The following GRIK2 variants were observed in gnomAD, a reference collection of about 807,000 sequenced individuals.
GRIK2 encodes the protein glutamate receptor ionotropic, kainate 2.
A neutral mutation model predicts 100.3 loss-of-function variants in GRIK2; 32 were observed. The ratio of observed to expected loss-of-function variants is 0.32; its 90% CI spans 0.24 to 0.43. GRIK2 has a LOEUF of 0.43. GRIK2 is among the 20% of genes least tolerant of loss of function. GRIK2 has a pLI of 1.00. For synonymous variants in GRIK2, 417 were observed against 389.4 expected (o/e 1.07, Z -0.83); for missense variants, 843 against 1,114.9 (o/e 0.76, Z 3.47).
intron 11 of GRIK2, among the ~76,000 whole-genome samples, chr6:101,876,993 T>A (rs1273982157): frequency 6.6e-6 from 1 of 151,968 alleles, no homozygotes; most frequent in Non-Finnish European, 1.5e-5. Flanking sequence ...TAAAAGAGTA[T>A]GTAATATGCA....
At chr6:101,836,341 T>C (rs2128431191) in intron 10 of GRIK2, among the ~76,000 whole-genome samples, 2 of 152,184 alleles carry the variant, frequency 1.3e-5, no homozygotes, top group Middle Eastern at 3.4e-3. Context: ...CTTCGTCACA[T>C]ATGACTATTA....
chr6:101,911,788 GA>G (rs1788708872), intron 12 of GRIK2, among the ~76,000 whole-genome samples: 1 of 151,344 alleles, frequency 6.6e-6, no homozygotes, highest in Non-Finnish European at 1.5e-5. Context: ...TTTCAGGGAG[GA>G]AAAGTGAGGT....
At chr6:101,793,655 G>A (rs938933958) in intron 7 of GRIK2, among the ~76,000 whole-genome samples, 2 of 152,208 alleles carry the variant, frequency 1.3e-5, no homozygotes, top group Admixed American at 6.5e-5. Context: ...TCGGGGGTCA[G>A]GGGTCAGGGA....
chr6:101,667,031 A>T (rs1770082161), intron 4 of GRIK2, among the ~76,000 whole-genome samples: 1 of 152,194 alleles, frequency 6.6e-6, no homozygotes, highest in South Asian at 2.1e-4. Context: ...AAACATTTAA[A>T]TACCTTTGTC....
At chr6:101,414,940 TTG>T (rs3057496) in intron 2 of GRIK2, among the ~76,000 whole-genome samples, 5,223 of 149,646 alleles carry the variant, frequency 0.035, 121 homozygotes, top group South Asian at 0.13. Context: ...AGTTTTAAAC[TTG>T]TGTGTGTGTG....
At chr6:101,633,706 T>A (rs560456914) in intron 4 of GRIK2, among the ~76,000 whole-genome samples, 115 of 152,272 alleles carry the variant, frequency 7.6e-4, no homozygotes, top group African/African-American at 2.6e-3. Flanking sequence ...AAGTTAATCA[T>A]TTTAGATTTC....
At chr6:101,976,388 A>C (rs1056560604) in intron 14 of GRIK2, among the ~76,000 whole-genome samples, 1 of 151,994 alleles carries the variant, frequency 6.6e-6, no homozygotes, top group African/African-American at 2.4e-5. Context: ...TTACTGGAAA[A>C]AAAGGGCAGT....
At chr6:101,710,714 G>A (rs953792212) in intron 7 of GRIK2, among the ~76,000 whole-genome samples, 16 of 151,682 alleles carry the variant, frequency 1.1e-4, no homozygotes, top group Non-Finnish European at 1.6e-4. Context: ...TCCTTTCCGC[G>A]TAGGCTGTCT....
At chr6:101,438,244 A>T (rs1159586966) in intron 2 of GRIK2, among the ~76,000 whole-genome samples, 2 of 152,106 alleles carry the variant, frequency 1.3e-5, no homozygotes, top group African/African-American at 4.8e-5. Flanking sequence ...TGGGCTTTAG[A>T]AGTTCATTAG....
chr6:101,893,580 A>G (rs1249006382), intron 12 of GRIK2, among the ~76,000 whole-genome samples: 1 of 151,728 alleles, frequency 6.6e-6, no homozygotes. Context: ...AACCTGCTAT[A>G]TCTTCTTAGC....
At chr6:101,974,220 C>CA (rs757720921) in intron 14 of GRIK2, among the ~76,000 whole-genome samples, 22 of 151,086 alleles carry the variant, frequency 1.5e-4, no homozygotes, top group Admixed American at 7.3e-4. Context: ...AAGTACCAAA[C>CA]AAAAAAAAGA....
chr6:101,892,018 C>G lies in GRIK2; in HGVS notation c.1748+2155C>G, dbSNP rs370185113. Among the ~76,000 whole-genome samples, 40 of 152,244 alleles carry G rather than the reference C, an allele frequency of 2.6e-4. No homozygotes were observed. The East Asian group carries it at 6.8e-3, about 26-fold the overall frequency. On this transcript the variant is annotated intron_variant, in intron 12 of 16. Transcript: ENST00000369134. ...CACAGGTCAAACAGAAAAATAAATA[C>G]TCCAAAATATACAAAAAGTCTTCCT...
chr6:101,778,724 G>C (rs907203107), intron 7 of GRIK2, among the ~76,000 whole-genome samples: 3 of 152,040 alleles, frequency 2.0e-5, no homozygotes, highest in African/African-American at 7.2e-5. Context: ...TTCTGTATTT[G>C]TACATAGTTT....
At chr6:101,433,240 A>G (rs1769516586) in intron 2 of GRIK2, among the ~76,000 whole-genome samples, 1 of 152,222 alleles carries the variant, frequency 6.6e-6, no homozygotes, top group Non-Finnish European at 1.5e-5. Flanking sequence ...CGGCATCTAG[A>G]AAACACTTGA....
intron 16 of GRIK2, among the ~76,000 whole-genome samples, chr6:102,064,834 A>C (rs140992782): frequency 1.1e-4 from 16 of 151,356 alleles, no homozygotes; most frequent in Middle Eastern, 3.4e-3. Flanking sequence ...ACCATAAATG[A>C]ACAGTTCTTT....
intron 16 of GRIK2, among the ~76,000 whole-genome samples, chr6:102,067,376 G>A (rs761331537): frequency 2.6e-5 from 4 of 151,596 alleles, no homozygotes; most frequent in Non-Finnish European, 5.9e-5. Flanking sequence ...AATATGTATC[G>A]GAAAATGACA....
At chr6:101,734,647 G>T (rs1775510987) in intron 7 of GRIK2, among the ~76,000 whole-genome samples, 1 of 152,136 alleles carries the variant, frequency 6.6e-6, no homozygotes, top group Non-Finnish European at 1.5e-5. Context: ...AAGACCTTGG[G>T]TGGGGGGAAT....
At chr6:101,915,365 T>A (rs1789034392) in intron 12 of GRIK2, among the ~76,000 whole-genome samples, 1 of 151,352 alleles carries the variant, frequency 6.6e-6, no homozygotes, top group Non-Finnish European at 1.5e-5. Context: ...GAAGATTGTT[T>A]ATTATTCATT....
At chr6:101,752,972 A>G (rs1776883431) in intron 7 of GRIK2, among the ~76,000 whole-genome samples, 1 of 152,214 alleles carries the variant, frequency 6.6e-6, no homozygotes, top group South Asian at 2.1e-4. Context: ...GGTCTGCAAT[A>G]TGGTAAAACT....
Sources: allele counts gnomAD v4.1 joint callset (sites outside exome capture counted in the v4.1 genomes callset), GRCh38; gene constraint gnomAD v4.1.1; transcripts MANE v1.5; gene names NCBI Gene and HGNC (gene_info 2026-07-23, HGNC 2026-07-21).